The following SYN3 variants were observed in gnomAD, a reference collection of about 807,000 sequenced individuals.
SYN3 encodes synapsin-3.
A neutral mutation model predicts 65.8 loss-of-function variants in SYN3; 35 were observed. That is an observed-to-expected ratio of 0.53 (90% CI 0.41 to 0.70). The LOEUF (loss-of-function observed/expected upper bound fraction) is 0.70. Among genes scored for constraint, SYN3 ranks in the 30% least tolerant of loss-of-function variants. The pLI is 0.00. For missense variants in SYN3, 680 were observed against 749.0 expected (o/e 0.91, Z 1.08); for synonymous variants, 270 against 292.9 (o/e 0.92, Z 0.80).
At chr22:32,567,604 A>G (rs2058691748) in intron 7 of SYN3, among the ~76,000 whole-genome samples, 1 of 152,148 alleles carries the variant, frequency 6.6e-6, no homozygotes, top group East Asian at 1.9e-4. Flanking sequence ...TACATTTCAC[A>G]TGTGGAGCTG....
chr22:32,658,281 T>G (rs1450932338), intron 6 of SYN3, among the ~76,000 whole-genome samples: 9 of 152,170 alleles, frequency 5.9e-5, no homozygotes, highest in Non-Finnish European at 8.8e-5. Flanking sequence ...GATCCCTGGG[T>G]AGGCTGTGCT....
At chr22:32,759,282 T>C (rs1237074725) in intron 6 of SYN3, among the ~76,000 whole-genome samples, 1 of 152,100 alleles carries the variant, frequency 6.6e-6, no homozygotes, top group Non-Finnish European at 1.5e-5. Flanking sequence ...GGAAATTATT[T>C]AATCTTCCGG....
intron 6 of SYN3, among the ~76,000 whole-genome samples, chr22:32,598,274 T>C (rs1210779906): frequency 6.6e-6 from 1 of 152,132 alleles, no homozygotes; most frequent in Non-Finnish European, 1.5e-5. Flanking sequence ...ACAAAGCCAT[T>C]CTGTGGCCCT....
At chr22:32,975,555 G>C (rs1407693804) in intron 3 of SYN3, among the ~76,000 whole-genome samples, 1 of 152,094 alleles carries the variant, frequency 6.6e-6, no homozygotes, top group Non-Finnish European at 1.5e-5. Context: ...GCCTCCCAAA[G>C]TGCTGGGATT....
At position 32,942,328 on chromosome 22, in the gene SYN3, G is replaced by T. The variant is rs909874320; in HGVS notation, c.370-10847C>A. Among the ~76,000 whole-genome samples the T allele has an allele frequency of 1.9e-4, 29 of 152,200 alleles. 1 individual carries two copies. The highest frequency in any genetic ancestry group is 7.0e-4 in the African/African-American group (29 of 41,450). On this transcript the variant is annotated intron_variant, in intron 3 of 13. Transcript: ENST00000358763. ...TGCAGCCTCTGCTGCTGATACCCAG[G>T]CAAACAAGGTCTGGAGTGGACCTCC...
At chr22:33,004,837 A>G (rs926133185) in intron 2 of SYN3, among the ~76,000 whole-genome samples, 5 of 152,286 alleles carry the variant, frequency 3.3e-5, no homozygotes, top group Non-Finnish European at 7.4e-5. Context: ...GGGAGGGGCC[A>G]GGGGTGGAAT....
chr22:32,657,930 T>G (rs2060164702), intron 6 of SYN3, among the ~76,000 whole-genome samples: 1 of 152,230 alleles, frequency 6.6e-6, no homozygotes, highest in Admixed American at 6.5e-5. Context: ...TTTCCCCTCC[T>G]GTCTTCCTAG....
chr22:32,906,857 A>G (rs1601666865), intron 4 of SYN3, among the ~76,000 whole-genome samples: 2 of 152,198 alleles, frequency 1.3e-5, no homozygotes, highest in South Asian at 2.1e-4. Context: ...TTATGGCTGC[A>G]TAGTATTCCA....
chr22:33,017,270 T>G (rs1326947783), intron 1 of SYN3, among the ~76,000 whole-genome samples: 26 of 152,220 alleles, frequency 1.7e-4, no homozygotes. Context: ...TCATTGTGTA[T>G]TTGTCAGTAC....
At chr22:32,902,879 A>AC (rs1458288706) in intron 4 of SYN3, among the ~76,000 whole-genome samples, 1 of 151,890 alleles carries the variant, frequency 6.6e-6, no homozygotes, top group Non-Finnish European at 1.5e-5. Flanking sequence ...GACAAAAAAA[A>AC]AAAAAAAAGT....
chr22:33,028,201 C>A (rs2053671121), intron 1 of SYN3, among the ~76,000 whole-genome samples: 1 of 152,176 alleles, frequency 6.6e-6, no homozygotes, highest in African/African-American at 2.4e-5. Flanking sequence ...CCTTTCCCCT[C>A]CAGCACACTG....
intron 6 of SYN3, among the ~76,000 whole-genome samples, chr22:32,729,236 T>C (rs981262461): frequency 6.6e-6 from 1 of 152,228 alleles, no homozygotes; most frequent in Non-Finnish European, 1.5e-5. Flanking sequence ...GAGCAGTGCA[T>C]GGCACAAAGC....
At chr22:32,564,519 A>C (rs1226915316) in intron 7 of SYN3, among the ~76,000 whole-genome samples, 1 of 152,234 alleles carries the variant, frequency 6.6e-6, no homozygotes, top group Admixed American at 6.5e-5. Context: ...AAACACAAGC[A>C]GTACTCCCAG....
intron 6 of SYN3, among the ~76,000 whole-genome samples, chr22:32,812,467 G>A (rs1272759698): frequency 6.6e-6 from 1 of 152,164 alleles, no homozygotes; most frequent in African/African-American, 2.4e-5. Context: ...CTAGAATTAA[G>A]ACTCAAGGTC....
At chr22:32,627,473 T>C (rs2059684669) in intron 6 of SYN3, among the ~76,000 whole-genome samples, 2 of 152,066 alleles carry the variant, frequency 1.3e-5, no homozygotes, top group African/African-American at 4.8e-5. Flanking sequence ...TGTACTTCCA[T>C]CTTTCTCTGG....
intron 8 of SYN3, among the ~76,000 whole-genome samples, chr22:32,538,832 C>T (rs2058207144): frequency 6.6e-6 from 1 of 152,168 alleles, no homozygotes; most frequent in Non-Finnish European, 1.5e-5. Flanking sequence ...ATGCTCATCT[C>T]CCTTCTGATG....
intron 7 of SYN3, among the ~76,000 whole-genome samples, chr22:32,558,599 G>T (rs556052413): frequency 6.6e-6 from 1 of 152,302 alleles, no homozygotes; most frequent in African/African-American, 2.4e-5. Flanking sequence ...CCCCTCATCT[G>T]GGTCTTCTGC....
Position 32,997,321 on chromosome 22 carries a change from C to G in SYN3, c.311+9031G>C, listed in dbSNP as rs554343054. ...TTGCCAAAAGATGATGATGCAGACA[C>G]GACCCCATCCTCAAAGAGCTCTGTC... On this transcript the variant is annotated intron_variant, in intron 2 of 13. Transcript: ENST00000358763. Among the ~76,000 whole-genome samples, 125 of 152,322 alleles carry G rather than the reference C, an allele frequency of 8.2e-4. 1 individual carries two copies. Among genetic ancestry groups the G allele is most frequent in the African/African-American group, 3.0e-3 (125 of 41,574 alleles).
chr22:32,833,662 G>A (rs2047643523), intron 6 of SYN3, among the ~76,000 whole-genome samples: 1 of 152,176 alleles, frequency 6.6e-6, no homozygotes, highest in Non-Finnish European at 1.5e-5. Flanking sequence ...ATGAGAAGTA[G>A]GGGCTCCCAA....
Sources: gnomAD v4.1 joint callset for allele counts (sites outside exome capture counted in the v4.1 genomes callset) on GRCh38, gnomAD v4.1.1 for gene constraint, MANE v1.5 for transcripts, NCBI Gene and HGNC (gene_info 2026-07-23, HGNC 2026-07-21) for gene names.